The following INPP4B variants were observed in gnomAD, a reference collection of about 807,000 sequenced individuals.
INPP4B encodes the protein inositol polyphosphate-4-phosphatase type II B, also known as inositol polyphosphate 4-phosphatase type II.
Under a neutral mutation model 122.5 loss-of-function variants are expected in INPP4B, and 55 were observed. That is an observed-to-expected ratio of 0.45 (90% confidence interval 0.36 to 0.56). The LOEUF (loss-of-function observed/expected upper bound fraction) is 0.56. Ranked by LOEUF, INPP4B falls within the 20% of genes least tolerant of loss-of-function variation. The pLI, the probability that INPP4B is intolerant of heterozygous loss-of-function variation, is 0.00. For synonymous variants in INPP4B, 403 were observed against 388.7 expected, an observed-to-expected ratio of 1.04 and a Z score of -0.43; for missense variants, 1,000 against 1,097.7, an observed-to-expected ratio of 0.91 and a Z score of 1.26.
At chr4:142,256,373 A>T (rs2150310490) in intron 11 of INPP4B, among the ~76,000 whole-genome samples, 1 of 152,166 alleles carries the variant, frequency 6.6e-6, no homozygotes, top group African/African-American at 2.4e-5. Flanking sequence ...ACTGAAGGAA[A>T]TAGAGACACA....
chr4:142,687,186 A>G (rs1759471867), intron 2 of INPP4B, among the ~76,000 whole-genome samples: 1 of 152,082 alleles, frequency 6.6e-6, no homozygotes, highest in Admixed American at 6.6e-5. Context: ...ACGAGGAATC[A>G]AGAATGTGCT....
intron 25 of INPP4B, among the ~76,000 whole-genome samples, chr4:142,077,465 A>AT (rs1245624795): frequency 6.6e-6 from 1 of 151,892 alleles, no homozygotes; most frequent in East Asian, 1.9e-4. Flanking sequence ...CTATACAATT[A>AT]TTTTTTGTTC....
At position 142,629,516 on chromosome 4, in the gene INPP4B, ATG is replaced by A. The variant is rs946355968; in HGVS notation, c.-191+96321_-191+96322del. ...TGCGTGAGTGTATGCATGAGTGTGT[ATG>A]TGTGTGTGTTTGAGGGGCAGAGAGA... On this transcript the variant is annotated intron_variant, in intron 2 of 25. Coordinates refer to ENST00000262992, the MANE Select transcript of INPP4B (RefSeq NM_001101669.3). 9.5e-4 allele frequency among the ~76,000 whole-genome samples: 144 copies of A among 152,026 alleles called. 2 individuals are homozygous for A. The highest frequency in any genetic ancestry group is 3.4e-3 in the African/African-American group (140 of 41,514).
At chr4:142,539,906 C>T (rs76962350) in intron 2 of INPP4B, among the ~76,000 whole-genome samples, 1,925 of 151,956 alleles carry the variant, frequency 0.013, 16 homozygotes, top group African/African-American at 0.024. Flanking sequence ...TTTAGTGAAA[C>T]GAACAATTGC....
At chr4:142,771,392 G>A (rs1773043080) in intron 1 of INPP4B, among the ~76,000 whole-genome samples, 1 of 152,126 alleles carries the variant, frequency 6.6e-6, no homozygotes, top group African/African-American at 2.4e-5. Context: ...AAGTTTCTCT[G>A]GCAAATGTAT....
rs933302244 is a variant in INPP4B at position 142,640,366 on chromosome 4, G to C, written c.-191+85473C>G. ...CAAGGCACAAATGAATAGGTAAGTG[G>C]AATAAATGGAATAATTAATATATGG... On this transcript the variant is annotated intron_variant, in intron 2 of 25. Coordinates refer to ENST00000262992, the MANE Select transcript of INPP4B (RefSeq NM_001101669.3). 2.6e-5 allele frequency among the ~76,000 whole-genome samples: 4 copies of C among 152,152 alleles called. No homozygotes were observed. The East Asian group carries it at 7.7e-4, about 29-fold the overall frequency.
In INPP4B at chr4:142,314,729, G is replaced by C. The variant is rs774913443; in HGVS notation, c.406C>G (p.Pro136Ala). The C allele has an allele frequency of 2.5e-6, 4 of 1,601,430 alleles. No homozygotes were observed. The Admixed American group carries it at 6.9e-5, about 28-fold the overall frequency. ...RTSVLPEHKD[P>A]PPEVGRSFLG... Reference sequence around the variant, plus strand: ...ACACTTACCCCAACTTCTGGCGGGGGATCCTTATGTTCTGGTAGGACACTG... The same window carrying C: ...ACACTTACCCCAACTTCTGGCGGGGCATCCTTATGTTCTGGTAGGACACTG... The change falls in exon 8 of 26, where the codon CCC becomes GCC. Residue 136 changes from proline (P) to alanine (A), a missense_variant. Transcript: ENST00000262992.
At chr4:142,273,597 C>T (rs1048087531) in intron 9 of INPP4B, among the ~76,000 whole-genome samples, 1 of 151,814 alleles carries the variant, frequency 6.6e-6, no homozygotes, top group South Asian at 2.1e-4. Flanking sequence ...CTATCTATTC[C>T]CTTTCTTAAA....
At chr4:142,721,221 CA>C (rs1764617045) in intron 2 of INPP4B, among the ~76,000 whole-genome samples, 1 of 152,050 alleles carries the variant, frequency 6.6e-6, no homozygotes, top group African/African-American at 2.4e-5. Flanking sequence ...GGCTTCTCCC[CA>C]AACCCAATAG....
At chr4:142,594,557 G>A (rs1031990878) in intron 2 of INPP4B, among the ~76,000 whole-genome samples, 7 of 152,258 alleles carry the variant, frequency 4.6e-5, no homozygotes, top group Non-Finnish European at 1.5e-5. Context: ...TTTAAATACA[G>A]ACAGCCTGAC....
chr4:142,727,754 T>C (rs1029354371), intron 1 of INPP4B, among the ~76,000 whole-genome samples: 1 of 152,040 alleles, frequency 6.6e-6, no homozygotes, highest in Non-Finnish European at 1.5e-5. Flanking sequence ...GGTGCATACC[T>C]GTAGTCCTAG....
chr4:142,651,158 T>C (rs967261507), intron 2 of INPP4B, among the ~76,000 whole-genome samples: 2 of 152,140 alleles, frequency 1.3e-5, no homozygotes, highest in South Asian at 2.1e-4. Context: ...AATAAAAATG[T>C]TATTTGAAAT....
At chr4:142,669,971 A>G (rs1255055078) in intron 2 of INPP4B, among the ~76,000 whole-genome samples, 1 of 152,194 alleles carries the variant, frequency 6.6e-6, no homozygotes, top group Non-Finnish European at 1.5e-5. Context: ...CACTTCTCCA[A>G]AGTTGAACTT....
chr4:142,832,010 T>C (rs1350512853), intron 1 of INPP4B, among the ~76,000 whole-genome samples: 3 of 152,210 alleles, frequency 2.0e-5, no homozygotes, highest in African/African-American at 7.2e-5. Flanking sequence ...TATTTTGTGC[T>C]CAAGACATAT....
At chr4:142,338,310 A>G (rs1777521072) in intron 7 of INPP4B, among the ~76,000 whole-genome samples, 1 of 152,152 alleles carries the variant, frequency 6.6e-6, no homozygotes, top group African/African-American at 2.4e-5. Context: ...ATCTAGGCTC[A>G]CTGCAAGCTC....
chr4:142,835,239 C>T (rs181816066), intron 1 of INPP4B, among the ~76,000 whole-genome samples: 1 of 152,218 alleles, frequency 6.6e-6, no homozygotes, highest in Non-Finnish European at 1.5e-5. Context: ...AATATTTATC[C>T]ATCTTATCTA....
intron 9 of INPP4B, among the ~76,000 whole-genome samples, chr4:142,281,339 T>C (rs1273622837): frequency 1.6e-5 from 1 of 61,510 alleles, no homozygotes; most frequent in Admixed American, 1.4e-4. Flanking sequence ...TAGCTAAGCA[T>C]TTTTTTTTTT....
intron 18 of INPP4B, among the ~76,000 whole-genome samples, chr4:142,143,532 T>A (rs944613702): frequency 6.6e-6 from 1 of 152,008 alleles, no homozygotes; most frequent in African/African-American, 2.4e-5. Flanking sequence ...CATTGAGACA[T>A]CACGGTGAAC....
At chr4:142,070,180 A>T (rs1364692402) in intron 25 of INPP4B, among the ~76,000 whole-genome samples, 1 of 152,230 alleles carries the variant, frequency 6.6e-6, no homozygotes, top group Non-Finnish European at 1.5e-5. Context: ...GGCTGGTTCA[A>T]CATACGCAAA....
Sources: allele counts gnomAD v4.1 joint callset (sites outside exome capture counted in the v4.1 genomes callset), GRCh38; gene constraint gnomAD v4.1.1; transcripts MANE v1.5; gene names NCBI Gene and HGNC (gene_info 2026-07-23, HGNC 2026-07-21).